The following MYBL2 variants were observed in gnomAD, a reference collection of about 807,000 sequenced individuals.
The protein encoded by MYBL2 is MYB proto-oncogene like 2.
Under a neutral mutation model 79.9 loss-of-function variants are expected in MYBL2, and 28 were observed. The ratio of observed to expected loss-of-function variants is 0.35; its 90% CI spans 0.26 to 0.48. The LOEUF (loss-of-function observed/expected upper bound fraction) is 0.48. MYBL2 is among the 20% of genes least tolerant of loss of function. The pLI is 0.99. For synonymous variants in MYBL2, 378 were observed against 361.2 expected (o/e 1.05, Z -0.53); for missense variants, 735 against 893.9 (o/e 0.82, Z 2.27).
intron 10 of MYBL2, among the ~76,000 whole-genome samples, chr20:43,710,576 G>T (rs1987883074): frequency 6.6e-6 from 1 of 152,150 alleles, no homozygotes; most frequent in South Asian, 2.1e-4. Context: ...TGGCACCTTG[G>T]GCTTTCTGAA....
At chr20:43,678,857 C>CAAAAA (rs762645852) in intron 2 of MYBL2, among the ~76,000 whole-genome samples, 2 of 19,220 alleles carry the variant, frequency 1.0e-4, no homozygotes, top group African/African-American at 3.0e-4. Context: ...AACTCCGTCT[C>CAAAAA]AAAAAAAAAA....
chr20:43,677,855 A>G (rs937567568), intron 2 of MYBL2, among the ~76,000 whole-genome samples: 1 of 152,224 alleles, frequency 6.6e-6, no homozygotes, highest in African/African-American at 2.4e-5. Context: ...AGTTTTGTGG[A>G]ATAGAAAGAG....
At chr20:43,668,685 GTTTTTT>G (rs3091868) in intron 1 of MYBL2, among the ~76,000 whole-genome samples, 1 of 106,252 alleles carries the variant, frequency 9.4e-6, no homozygotes, top group African/African-American at 3.6e-5. Flanking sequence ...CCCTGCCCTG[GTTTTTT>G]TTTTTTTTTT....
chr20:43,689,569 C>T (rs1018727818), intron 5 of MYBL2, among the ~76,000 whole-genome samples: 1 of 152,190 alleles, frequency 6.6e-6, no homozygotes, highest in Non-Finnish European at 1.5e-5. Context: ...AATGTGTTCT[C>T]ATCCTTCAGT....
At position 43,716,054 on chromosome 20, in the gene MYBL2, C is replaced by G; in HGVS notation, c.2070C>G (p.Pro690=). The G allele has an allele frequency of 1.2e-6, 2 of 1,610,232 alleles. No individual in the cohort carries two copies. The highest frequency in any genetic ancestry group is 1.7e-6 in the Non-Finnish European group (2 of 1,179,818). The stretch of plus-strand genomic sequence containing the variant: ...GGCAGCTCCTGGGCCGCCTGAAGCC[C>G]AGCCACACATCTCGGACCCTCATCT... ...KARQLLGRLK[P]SHTSRTLILS Residue 690 remains proline (P), a synonymous_variant, in exon 14 of 14, where the codon CCC becomes CCG. Coordinates refer to ENST00000217026, the MANE Select transcript of MYBL2 (RefSeq NM_002466.4).
intron 9 of MYBL2, among the ~76,000 whole-genome samples, chr20:43,706,719 G>GTTTGTT (rs1987791489): frequency 1.4e-5 from 1 of 70,782 alleles, no homozygotes; most frequent in East Asian, 4.0e-4. Context: ...AAAAAAAAAA[G>GTTTGTT]TTTTTTTTTT....
chr20:43,667,877 G>C (rs1376818614), intron 1 of MYBL2, among the ~76,000 whole-genome samples: 1 of 152,174 alleles, frequency 6.6e-6, no homozygotes, highest in Non-Finnish European at 1.5e-5. Context: ...TGGGTTCCGC[G>C]CCCCAGCTTG....
chr20:43,709,455 GGGTTT>G (rs1987857499), intron 9 of MYBL2, among the ~76,000 whole-genome samples: 1 of 152,194 alleles, frequency 6.6e-6, no homozygotes, highest in Non-Finnish European at 1.5e-5. Flanking sequence ...AGACCATCCT[GGGTTT>G]TTCTCTGTTC....
Position 43,702,479 on chromosome 20 carries a change from T to C in MYBL2, c.952-11T>C. On this transcript the variant is annotated splice_polypyrimidine_tract_variant and intron_variant, in intron 7 of 13. Transcript: ENST00000217026. Reference sequence around the variant, plus strand: ...TAGTAATTGCAATTCCTAACCTCCCTCCCTGGACAGGACCCTGATGCTTGG... The same window carrying C: ...TAGTAATTGCAATTCCTAACCTCCCCCCCTGGACAGGACCCTGATGCTTGG... The C allele has an allele frequency of 6.3e-7, 1 of 1,585,642 alleles. No homozygotes were observed. Among genetic ancestry groups the C allele is most frequent in the Non-Finnish European group, 8.6e-7 (1 of 1,159,818 alleles).
rs765348434 is a variant in MYBL2, at chr20:43,715,094, C to T, written c.1825-40C>T. The stretch of plus-strand genomic sequence containing the variant: ...GTTTTTTTCTTCCCTCTCACAGCTT[C>T]TCGCAAAATGGTGACTCCTTGACTT... On this transcript the variant is annotated intron_variant, in intron 12 of 13. Coordinates refer to ENST00000217026, the MANE Select transcript of MYBL2 (RefSeq NM_002466.4). 5.0e-6 allele frequency: 8 copies of T among 1,607,914 alleles called. No individual in the cohort carries two copies. The Admixed American group carries it at 1.3e-4, about 27-fold the overall frequency.
intron 2 of MYBL2, among the ~76,000 whole-genome samples, chr20:43,678,461 T>G (rs909503016): frequency 2.8e-4 from 43 of 152,170 alleles, no homozygotes; most frequent in Non-Finnish European, 8.8e-5. Flanking sequence ...GATTGTTTTT[T>G]CTAACTCTGA....
Position 43,715,993 on chromosome 20 carries a change from G to C in MYBL2, c.2009G>C (p.Gly670Ala). The C allele has an allele frequency of 1.2e-6, 2 of 1,612,154 alleles. No homozygotes were observed. The highest frequency in any genetic ancestry group is 1.7e-6 in the Non-Finnish European group (2 of 1,179,770). Residue 670 changes from glycine (G) to alanine (A), a missense_variant, in exon 14 of 14, where the codon GGG (glycine) becomes GCG (alanine). Physicochemically the swap from Gly to Ala is moderately conservative, Grantham distance 60. Transcript: ENST00000217026. The part of the protein sequence containing the change: ...SSAWKTVACG[G>A]TRDQLFMQEK... ...GCCTGGAAGACGGTGGCCTGCGGGG[G>C]GACCAGGGACCAGCTTTTCATGCAG...
chr20:43,682,698 A>G, intron 3 of MYBL2, 96 bp from the exon 4 acceptor site: 2 of 1,131,086 alleles, frequency 1.8e-6, no homozygotes, highest in Non-Finnish European at 2.7e-6. Context: ...GCCTAGTCCC[A>G]GGCCATAGGC....
At chr20:43,670,594 G>T (rs557292380) in intron 1 of MYBL2, among the ~76,000 whole-genome samples, 2 of 152,294 alleles carry the variant, frequency 1.3e-5, no homozygotes, top group South Asian at 4.1e-4. Context: ...ACCCTGGGAT[G>T]CCAAGGTGGA....
rs1986928493 is a variant in MYBL2 at position 43,673,833 on chromosome 20, G to C, written c.48G>C (p.Gln16His). ...AGGATCTGGATGAGCTGCACTACCA[G>C]GACACAGATTCAGATGTGCCGGAGC... ...RCEDLDELHY[Q>H]DTDSDVPEQR... The change falls in exon 2 of 14, where the codon CAG becomes CAC. Residue 16 changes from glutamine (Q) to histidine (H), a missense_variant. Gln to His is a conservative substitution (Grantham distance 24). Coordinates refer to ENST00000217026, the MANE Select transcript of MYBL2 (RefSeq NM_002466.4). 1 of 1,562,114 alleles carries C rather than the reference G, an allele frequency of 6.4e-7. No homozygotes were observed. Among genetic ancestry groups the C allele is most frequent in the Non-Finnish European group, 8.7e-7 (1 of 1,152,096 alleles).
At chr20:43,707,102 C>T (rs576911412) in intron 9 of MYBL2, among the ~76,000 whole-genome samples, 1 of 151,456 alleles carries the variant, frequency 6.6e-6, no homozygotes, top group East Asian at 1.9e-4. Flanking sequence ...ATTGCTTGAG[C>T]CCAGGAGTTT....
rs987429881 is a variant in MYBL2 at position 43,702,730 on chromosome 20, G to A, written c.1192G>A (p.Val398Ile). The change falls in exon 8 of 14, where the codon GTC becomes ATC. Residue 398 changes from valine to isoleucine, a missense_variant. By Grantham distance (29) the Val-to-Ile change is conservative. Coordinates refer to ENST00000217026, the MANE Select transcript of MYBL2 (RefSeq NM_002466.4). ...ELIPISPSTE[V>I]GGSGIGTPPS... Reference sequence around the variant, plus strand: ...GATCCCCATCTCCCCCAGCACTGAAGTCGGGGGCTCTGGCATTGGCACACC... The same window carrying A: ...GATCCCCATCTCCCCCAGCACTGAAATCGGGGGCTCTGGCATTGGCACACC... 18 of 1,614,132 alleles carry A rather than the reference G, an allele frequency of 1.1e-5. No individual in the cohort carries two copies. The African/African-American group carries it at 2.3e-4, about 20-fold the overall frequency.
chr20:43,686,188 C>T (rs1987269906), intron 4 of MYBL2, among the ~76,000 whole-genome samples: 1 of 152,194 alleles, frequency 6.6e-6, no homozygotes, highest in African/African-American at 2.4e-5. Context: ...AGCATCCACT[C>T]TTCCCAGTTT....
At chr20:43,715,661 C>G (rs573984757) in intron 13 of MYBL2, among the ~76,000 whole-genome samples, 1 of 152,160 alleles carries the variant, frequency 6.6e-6, no homozygotes, top group African/African-American at 2.4e-5. Context: ...GCTGCTGACC[C>G]GTCTCACTGC....
Sources: gnomAD v4.1 joint callset for allele counts (sites outside exome capture counted in the v4.1 genomes callset) on GRCh38, gnomAD v4.1.1 for gene constraint, MANE v1.5 for transcripts, NCBI Gene and HGNC (gene_info 2026-07-23, HGNC 2026-07-21) for gene names.